EEFSEC: variants seen among roughly 807,000 people sequenced by gnomAD.
The protein encoded by EEFSEC is selenocysteine-specific elongation factor.
A neutral mutation model predicts 42.1 loss-of-function variants in EEFSEC; 43 were observed. The observed-to-expected ratio is 1.02, with a 90% confidence interval of 0.80 to 1.32. The LOEUF (loss-of-function observed/expected upper bound fraction) is 1.32, where lower values mean the gene tolerates loss of function less well. Among genes scored for constraint, EEFSEC ranks in the 40% most tolerant of loss-of-function variants. EEFSEC has a pLI of 0.00. For synonymous variants in EEFSEC, 354 were observed against 339.1 expected, an observed-to-expected ratio of 1.04 and a Z score of -0.48; for missense variants, 745 against 803.6, an observed-to-expected ratio of 0.93 and a Z score of 0.88.
At chr3:128,378,259 T>A (rs891120916) in intron 6 of EEFSEC, among the ~76,000 whole-genome samples, 1 of 152,216 alleles carries the variant, frequency 6.6e-6, no homozygotes, top group Non-Finnish European at 1.5e-5. Context: ...GGCCCCATGC[T>A]GAGTCACGAA....
chr3:128,365,527 T>TA (rs1188684776), intron 6 of EEFSEC, among the ~76,000 whole-genome samples: 13 of 152,300 alleles, frequency 8.5e-5, no homozygotes, highest in African/African-American at 3.1e-4. Flanking sequence ...AGTATCCACT[T>TA]ACGGCAGGGG....
At chr3:128,284,307 A>C (rs2066560485) in intron 4 of EEFSEC, among the ~76,000 whole-genome samples, 2 of 152,220 alleles carry the variant, frequency 1.3e-5, no homozygotes, top group South Asian at 4.1e-4. Context: ...ATATAATTCC[A>C]TCTTTTCTTG....
chr3:128,186,113 G>A (rs933232748), intron 1 of EEFSEC, among the ~76,000 whole-genome samples: 6 of 152,122 alleles, frequency 3.9e-5, no homozygotes, highest in Non-Finnish European at 8.8e-5. Context: ...TTGTCTGTCT[G>A]TCTGATCATA....
intron 6 of EEFSEC, among the ~76,000 whole-genome samples, chr3:128,403,985 T>C (rs1290093412): frequency 6.6e-6 from 1 of 152,196 alleles, no homozygotes; most frequent in Non-Finnish European, 1.5e-5. Flanking sequence ...ACTATTTATC[T>C]CCTGTTCTGG....
chr3:128,198,807 GT>G (rs907400959), intron 1 of EEFSEC, among the ~76,000 whole-genome samples: 15 of 149,128 alleles, frequency 1.0e-4, no homozygotes, highest in Admixed American at 5.3e-4. Context: ...TCATATGTGT[GT>G]TTTTTTTTTC....
In EEFSEC at chr3:128,223,351, T is replaced by G. The variant is rs1377752088; in HGVS notation, c.317-23485T>G. On this transcript the variant is annotated intron_variant, in intron 1 of 6. Coordinates refer to ENST00000254730, the MANE Select transcript of EEFSEC (RefSeq NM_021937.5). Reference sequence around the variant, plus strand: ...CTTTCATGAATTCTGTGAGTTGTTCTAGTTAATTATCTAACCTGAGGAGGT... The same window carrying G: ...CTTTCATGAATTCTGTGAGTTGTTCGAGTTAATTATCTAACCTGAGGAGGT... Among the ~76,000 whole-genome samples the G allele has an allele frequency of 9.2e-5, 14 of 152,230 alleles. No homozygotes were observed. The East Asian group carries it at 2.7e-3, about 29-fold the overall frequency.
chr3:128,204,765 GTCAGTGAGACCCTCCCGAGC>G (rs1374812517), intron 1 of EEFSEC, among the ~76,000 whole-genome samples: 8 of 152,110 alleles, frequency 5.3e-5, no homozygotes, highest in Admixed American at 1.3e-4. Context: ...CAGTCTGTGC[GTCAGTGAGACCCTCCCGAGC>G]TCAGTGAGAC....
chr3:128,185,961 C>G (rs557562637), intron 1 of EEFSEC, among the ~76,000 whole-genome samples: 95 of 152,230 alleles, frequency 6.2e-4, no homozygotes, highest in African/African-American at 1.9e-3. Flanking sequence ...TAAATATACC[C>G]AGGAATTGCT....
chr3:128,323,929 C>G (rs551420863), intron 4 of EEFSEC, among the ~76,000 whole-genome samples: 13 of 152,340 alleles, frequency 8.5e-5, no homozygotes, highest in Admixed American at 3.9e-4. Flanking sequence ...GCGCCTCCCC[C>G]CCTGTGGCAG....
At chr3:128,327,290 A>AT (rs1355325973) in intron 4 of EEFSEC, among the ~76,000 whole-genome samples, 1 of 74,386 alleles carries the variant, frequency 1.3e-5, no homozygotes, top group Non-Finnish European at 2.7e-5. Flanking sequence ...CACTTTTCCC[A>AT]TCCCCCCCCC....
chr3:128,422,615 G>C, the EEFSEC span, among the ~76,000 whole-genome samples: 1 of 152,234 alleles, frequency 6.6e-6, no homozygotes, highest in African/African-American at 2.4e-5. Flanking sequence ...GGCTGGCCCT[G>C]GCCCATTAGT....
chr3:128,288,046 T>C (rs968814308), intron 4 of EEFSEC, among the ~76,000 whole-genome samples: 3 of 151,406 alleles, frequency 2.0e-5, no homozygotes, highest in African/African-American at 7.3e-5. Flanking sequence ...ACTGCTGCAT[T>C]AGTGATAATA....
At chr3:128,266,719 C>G (rs946421887) in intron 4 of EEFSEC, among the ~76,000 whole-genome samples, 9 of 151,462 alleles carry the variant, frequency 5.9e-5, no homozygotes, top group Non-Finnish European at 1.5e-5. Context: ...AGTCACAGTC[C>G]CCTCCTTTAC....
In EEFSEC at chr3:128,246,820, T is replaced by C; in HGVS notation, c.317-16T>C. 1.2e-6 allele frequency: 2 copies of C among 1,612,988 alleles called. No individual in the cohort carries two copies. Among genetic ancestry groups the C allele is most frequent in the Non-Finnish European group, 1.7e-6 (2 of 1,179,708 alleles). The stretch of plus-strand genomic sequence containing the variant: ...CACCCCTTTTCCCTTTCTAACCTTC[T>C]CTTCTCTTATTCCAGGGGCCCAGAT... On this transcript the variant is annotated splice_polypyrimidine_tract_variant and intron_variant, in intron 1 of 6. Transcript: ENST00000254730.
intron 6 of EEFSEC, chr3:128,362,245 G>A (rs375639608): frequency 5.4e-5 from 28 of 521,288 alleles, no homozygotes; most frequent in Admixed American, 1.4e-4. Flanking sequence ...GCTGGATGGC[G>A]GGTGGGACAA....
At chr3:128,266,781 G>A (rs1465758817) in intron 4 of EEFSEC, among the ~76,000 whole-genome samples, 1 of 151,902 alleles carries the variant, frequency 6.6e-6, no homozygotes, top group Non-Finnish European at 1.5e-5. Flanking sequence ...AAGACCACTT[G>A]AATAAAATCT....
chr3:128,406,427 C>A (rs1171420893), intron 6 of EEFSEC, among the ~76,000 whole-genome samples: 1 of 152,014 alleles, frequency 6.6e-6, no homozygotes, highest in Non-Finnish European at 1.5e-5. Flanking sequence ...CCAGAGAAAT[C>A]GATTCAGGAG....
At chr3:128,334,602 T>C (rs2067169785) in intron 4 of EEFSEC, among the ~76,000 whole-genome samples, 1 of 152,258 alleles carries the variant, frequency 6.6e-6, no homozygotes, top group African/African-American at 2.4e-5. Flanking sequence ...GACCTGCCTG[T>C]GGGGTTTTTT....
chr3:128,421,604 C>G, the EEFSEC span, among the ~76,000 whole-genome samples: 1 of 152,208 alleles, frequency 6.6e-6, no homozygotes, highest in Non-Finnish European at 1.5e-5. Flanking sequence ...CCTCTTGTGC[C>G]GACTTTTCCC....
Sources: gnomAD v4.1 joint callset for allele counts (sites outside exome capture counted in the v4.1 genomes callset) on GRCh38, gnomAD v4.1.1 for gene constraint, MANE v1.5 for transcripts, NCBI Gene and HGNC (gene_info 2026-07-23, HGNC 2026-07-21) for gene names.